TAX1BP1: variants seen among roughly 807,000 people sequenced by gnomAD.
TAX1BP1 encodes the protein tax1-binding protein 1.
TAX1BP1 carries 62 observed loss-of-function variants against 97.7 expected under a neutral mutation model. The observed-to-expected ratio is 0.63, with a 90% confidence interval of 0.52 to 0.78. The LOEUF (loss-of-function observed/expected upper bound fraction) is 0.78. Among genes scored for constraint, TAX1BP1 ranks in the 30% least tolerant of loss-of-function variants. TAX1BP1 has a pLI of 0.00. For missense variants in TAX1BP1, 867 were observed against 916.1 expected (o/e 0.95, Z 0.69); for synonymous variants, 340 against 304.2 (o/e 1.12, Z -1.23).
intron 15 of TAX1BP1, among the ~76,000 whole-genome samples, chr7:27,826,428 A>G (rs1318047094): frequency 1.3e-5 from 2 of 152,114 alleles, no homozygotes; most frequent in Non-Finnish European, 2.9e-5. Context: ...ACTTCACACC[A>G]TATATACTTT....
intron 5 of TAX1BP1, among the ~76,000 whole-genome samples, chr7:27,773,408 CA>C (rs1412757878): frequency 1.3e-5 from 2 of 152,146 alleles, no homozygotes; most frequent in South Asian, 4.1e-4. Context: ...AATTCATCCC[CA>C]AAAGAAAGCT....
At chr7:27,756,312 A>G (rs1204198536) in intron 2 of TAX1BP1, among the ~76,000 whole-genome samples, 5 of 152,146 alleles carry the variant, frequency 3.3e-5, no homozygotes, top group South Asian at 4.1e-4. Context: ...TGTATGCCCA[A>G]CATGCCCCTC....
chr7:27,753,019 G>A (rs1317737569), intron 2 of TAX1BP1, among the ~76,000 whole-genome samples: 1 of 151,412 alleles, frequency 6.6e-6, no homozygotes. Flanking sequence ...CCTGATGCAG[G>A]CTGGGCACAG....
At chr7:27,819,134 G>A (rs937747050) in intron 15 of TAX1BP1, among the ~76,000 whole-genome samples, 4 of 152,080 alleles carry the variant, frequency 2.6e-5, no homozygotes, top group Non-Finnish European at 5.9e-5. Context: ...ATGAAAGAAT[G>A]ATGTTATTTC....
intron 4 of TAX1BP1, among the ~76,000 whole-genome samples, chr7:27,768,564 C>T (rs956450289): frequency 3.3e-5 from 5 of 151,854 alleles, no homozygotes; most frequent in African/African-American, 1.2e-4. Flanking sequence ...AGTTTTGAGC[C>T]AGATTTAATG....
chr7:27,821,385 C>T (rs1790966610), intron 15 of TAX1BP1, among the ~76,000 whole-genome samples: 1 of 151,972 alleles, frequency 6.6e-6, no homozygotes, highest in Admixed American at 6.6e-5. Context: ...AATCCCAGCA[C>T]TTTGGGAGGT....
At chr7:27,756,055 A>G (rs1303715587) in intron 2 of TAX1BP1, among the ~76,000 whole-genome samples, 1 of 152,210 alleles carries the variant, frequency 6.6e-6, no homozygotes, top group East Asian at 1.9e-4. Flanking sequence ...CCCGGTGACC[A>G]GGAAAATAAA....
At chr7:27,776,113 C>A (rs775598211) in intron 5 of TAX1BP1, among the ~76,000 whole-genome samples, 26 of 152,188 alleles carry the variant, frequency 1.7e-4, no homozygotes, top group Non-Finnish European at 3.2e-4. Context: ...ATTTGAAATT[C>A]TAGTAATGTA....
At chr7:27,766,146 C>T (rs551070600) in intron 4 of TAX1BP1, 125 bp downstream of exon 4, 40 of 975,390 alleles carry the variant, frequency 4.1e-5, no homozygotes, top group Admixed American at 2.1e-4. Flanking sequence ...TTTGGCTGGG[C>T]GCAGTGGCTC....
intron 15 of TAX1BP1, 72 bp downstream of exon 15, chr7:27,817,110 G>A: frequency 6.6e-7 from 1 of 1,519,892 alleles, no homozygotes; most frequent in Non-Finnish European, 8.9e-7. Flanking sequence ...TTAAGGGTAT[G>A]TGTGCATATG....
intron 5 of TAX1BP1, among the ~76,000 whole-genome samples, chr7:27,776,584 G>A (rs1410480280): frequency 6.6e-6 from 1 of 151,676 alleles, no homozygotes; most frequent in Admixed American, 6.6e-5. Flanking sequence ...CTTTATCATT[G>A]AATTTAAGTG....
intron 5 of TAX1BP1, among the ~76,000 whole-genome samples, chr7:27,776,770 T>C (rs1008242998): frequency 1.3e-5 from 2 of 150,250 alleles, no homozygotes; most frequent in Admixed American, 1.3e-4. Flanking sequence ...ACATATGTTT[T>C]GTTGCTTAAA....
intron 11 of TAX1BP1, among the ~76,000 whole-genome samples, chr7:27,795,811 A>G (rs1294434834): frequency 6.6e-6 from 1 of 152,170 alleles, no homozygotes; most frequent in African/African-American, 2.4e-5. Flanking sequence ...TTGGCCTCCC[A>G]AAGTGCTGGG....
intron 9 of TAX1BP1, 29 bp from the exon 10 acceptor site, chr7:27,793,037 T>G: frequency 6.4e-7 from 1 of 1,567,174 alleles, no homozygotes; most frequent in Non-Finnish European, 8.6e-7. Context: ...GATTTTTATT[T>G]TTTTCTTCAA....
chr7:27,762,713 C>A (rs1406990653), intron 3 of TAX1BP1, among the ~76,000 whole-genome samples: 1 of 152,032 alleles, frequency 6.6e-6, no homozygotes, highest in Non-Finnish European at 1.5e-5. Flanking sequence ...TTTTGTGAGG[C>A]CAAGGAGGAT....
chr7:27,810,896 T>A (rs1265813150), intron 13 of TAX1BP1, among the ~76,000 whole-genome samples: 1 of 152,150 alleles, frequency 6.6e-6, no homozygotes, highest in African/African-American at 2.4e-5. Flanking sequence ...CTTCATCTGC[T>A]TGGTGAAAAT....
At chr7:27,822,660 T>C (rs939924307) in intron 15 of TAX1BP1, among the ~76,000 whole-genome samples, 1 of 152,252 alleles carries the variant, frequency 6.6e-6, no homozygotes, top group Non-Finnish European at 1.5e-5. Context: ...TTTGGAAGAA[T>C]ATCTGTTCAA....
At chr7:27,755,244 C>CT (rs892469971) in intron 2 of TAX1BP1, among the ~76,000 whole-genome samples, 6 of 152,224 alleles carry the variant, frequency 3.9e-5, no homozygotes, top group Admixed American at 2.6e-4. Flanking sequence ...TCATTTGATA[C>CT]TTTTTTGTGG....
chr7:27,769,754 C>T lies in TAX1BP1; in HGVS notation c.532C>T (p.Leu178Phe). ...IAVLEKETAQLREQVGRMERE... is the reference protein window; with the variant it reads ...IAVLEKETAQFREQVGRMERE... ...CGTTCTGGAAAAAGAAACAGCACAA[C>T]TTCGAGAACAAGTTGGGAGAATGGA... is the stretch of plus-strand genomic sequence containing the variant. The change falls in exon 5 of 17, where the codon CTT becomes TTT. Residue 178 changes from leucine (L) to phenylalanine (F), a missense_variant. By Grantham distance (22) the Leu-to-Phe change is conservative. This residue lies in a region of TAX1BP1 where 822 missense variants were observed against 851.4 expected (regional missense o/e 0.97). Transcript: ENST00000396319. The T allele has an allele frequency of 1.9e-6, 3 of 1,612,620 alleles. No individual in the cohort carries two copies. Among genetic ancestry groups the T allele is most frequent in the African/African-American group, 1.3e-5 (1 of 74,966 alleles).
Sources: gnomAD v4.1 joint callset for allele counts (sites outside exome capture counted in the v4.1 genomes callset) on GRCh38, gnomAD v4.1.1 for gene constraint, gnomAD v4.1.1 regional missense constraint, MANE v1.5 for transcripts, NCBI Gene and HGNC (gene_info 2026-07-23, HGNC 2026-07-21) for gene names.